MID1: variants seen among roughly 807,000 people sequenced by gnomAD.
MID1 encodes E3 ubiquitin-protein ligase Midline-1.
Under a neutral mutation model 40.4 loss-of-function variants are expected in MID1, and 7 were observed. That is an observed-to-expected ratio of 0.17 (90% CI 0.10 to 0.33). The LOEUF is 0.33. Among genes scored for constraint, MID1 ranks in the 10% least tolerant of loss-of-function variants. The pLI, the probability that MID1 is intolerant of heterozygous loss-of-function variation, is 1.00. For synonymous variants in MID1, 229 were observed against 221.2 expected, an observed-to-expected ratio of 1.04 and a Z score of -0.31; for missense variants, 367 against 558.5, an observed-to-expected ratio of 0.66 and a Z score of 3.46.
chrX:10,652,418 G>C (rs765347459), intron 1 of MID1, among the ~76,000 whole-genome samples: 1 of 111,380 alleles, frequency 9.0e-6, no homozygotes, highest in African/African-American at 3.3e-5. Context: ...ACTTCACCTT[G>C]AAAACACACC....
At chrX:10,819,247 G>T in intron 1 of MID1, among the ~76,000 whole-genome samples, 1 of 110,615 alleles carries the variant, frequency 9.0e-6, no homozygotes, top group Non-Finnish European at 1.9e-5. Context: ...GAGAGAGAGA[G>T]AAATAATACT....
intron 1 of MID1, among the ~76,000 whole-genome samples, chrX:10,773,104 A>T (rs114408714): frequency 0.037 from 4,140 of 112,047 alleles, 163 homozygotes; most frequent in African/African-American, 0.12. Context: ...AGTAATTCTG[A>T]TATGATTATT....
At chrX:10,561,907 A>G (rs1379632412) in intron 2 of MID1, among the ~76,000 whole-genome samples, 1 of 107,602 alleles carries the variant, frequency 9.3e-6, no homozygotes, top group Non-Finnish European at 1.9e-5. Context: ...TCTGCTATAA[A>G]GACACATGCA....
intron 1 of MID1, among the ~76,000 whole-genome samples, chrX:10,642,155 A>C (rs1174028412): frequency 8.9e-6 from 1 of 111,948 alleles, no homozygotes; most frequent in Non-Finnish European, 1.9e-5. Flanking sequence ...CAGTGTTGGA[A>C]GTTCTGGCCA....
intron 1 of MID1, among the ~76,000 whole-genome samples, chrX:10,825,997 G>A (rs144565503): frequency 0.032 from 3,605 of 111,269 alleles, 157 homozygotes; most frequent in African/African-American, 0.11. Context: ...AGATGGGGAA[G>A]ATGAGATTCA....
At chrX:10,723,213 A>C (rs769483622) in intron 1 of MID1, among the ~76,000 whole-genome samples, 1 of 111,878 alleles carries the variant, frequency 8.9e-6, no homozygotes, top group African/African-American at 3.2e-5. Flanking sequence ...CCTTCATCAA[A>C]CCTGGAGACA....
chrX:10,721,882 A>C (rs1458423713), intron 1 of MID1, among the ~76,000 whole-genome samples: 1 of 110,965 alleles, frequency 9.0e-6, no homozygotes, highest in Non-Finnish European at 1.9e-5. Context: ...CAGGCTGGGC[A>C]ACATAGCAAG....
chrX:10,633,760 A>G (rs1380931751), intron 1 of MID1, among the ~76,000 whole-genome samples: 1 of 112,065 alleles, frequency 8.9e-6, no homozygotes, highest in African/African-American at 3.2e-5. Flanking sequence ...AGCCTTGTAC[A>G]TGTAAATATT....
chrX:10,792,835 A>G (rs1341053266), intron 1 of MID1, among the ~76,000 whole-genome samples: 1 of 111,906 alleles, frequency 8.9e-6, no homozygotes, highest in African/African-American at 3.3e-5. Context: ...AACTCTGTGA[A>G]TATACTAGAC....
chrX:10,450,833 C>T (rs891377124), intron 9 of MID1, among the ~76,000 whole-genome samples: 22 of 111,995 alleles, frequency 2.0e-4, no homozygotes, highest in African/African-American at 6.8e-4. Flanking sequence ...TAATATTCAT[C>T]GTATTTCAGT....
In MID1 at chrX:10,495,612, A is replaced by G; in HGVS notation, c.836T>C (p.Ile279Thr). ...LIEIIQQRRQ[I>T]IGTKIKEGKV... ...CCCTTCTTTGATCTTGGTTCCAATA[A>G]TCTGTCGTCTTTGCTGAATGATCTC... is the stretch of plus-strand genomic sequence containing the variant. Residue 279 changes from isoleucine (I) to threonine (T), a missense_variant, in exon 4 of 10, where the codon ATT (isoleucine) becomes ACT (threonine). Transcript: ENST00000317552. 11 of 1,208,805 alleles carry G rather than the reference A, an allele frequency of 9.1e-6. No individual in the cohort carries two copies. The highest frequency in any genetic ancestry group is 1.2e-5 in the Non-Finnish European group (11 of 893,305).
chrX:10,548,888 T>C lies in MID1; in HGVS notation c.660+18000A>G, dbSNP rs150948179. 2.3e-3 allele frequency among the ~76,000 whole-genome samples: 253 copies of C among 112,326 alleles called. 1 individual carries two copies. The highest frequency in any genetic ancestry group is 7.5e-3 in the African/African-American group (233 of 31,006). On this transcript the variant is annotated intron_variant, in intron 2 of 9. Coordinates refer to ENST00000317552, the MANE Select transcript of MID1 (RefSeq NM_000381.4). ...AGATGTATTCAAAAGAAATCTGAGA[T>C]AAAGTATCTCCCCATGAGTCATCAG...
intron 1 of MID1, among the ~76,000 whole-genome samples, chrX:10,726,915 C>G (rs970400407): frequency 8.9e-6 from 1 of 112,361 alleles, no homozygotes; most frequent in African/African-American, 3.2e-5. Context: ...TCTTTTCTGC[C>G]TGTGGCGTAT....
chrX:10,596,628 C>T (rs1935417123), intron 1 of MID1, among the ~76,000 whole-genome samples: 1 of 111,738 alleles, frequency 8.9e-6, no homozygotes, highest in Non-Finnish European at 1.9e-5. Flanking sequence ...AAGCAGCCTA[C>T]ACCCCAACTG....
At chrX:10,748,427 C>G (rs1291946880) in intron 1 of MID1, among the ~76,000 whole-genome samples, 1 of 112,269 alleles carries the variant, frequency 8.9e-6, no homozygotes, top group East Asian at 2.8e-4. Flanking sequence ...ACAATTCCAA[C>G]CAACTCAGGA....
chrX:10,565,797 T>C (rs1934505350), intron 2 of MID1, among the ~76,000 whole-genome samples: 1 of 107,261 alleles, frequency 9.3e-6, no homozygotes, highest in Non-Finnish European at 1.9e-5. Flanking sequence ...CTATCCATAC[T>C]TAGAGAGTGA....
intron 1 of MID1, among the ~76,000 whole-genome samples, chrX:10,728,241 G>A (rs779773307): frequency 9.0e-6 from 1 of 111,064 alleles, no homozygotes; most frequent in Non-Finnish European, 1.9e-5. Flanking sequence ...CAAGAGTTTA[G>A]GCAGAAAGAT....
chrX:10,740,176 G>A (rs891335384), intron 1 of MID1, among the ~76,000 whole-genome samples: 5 of 112,406 alleles, frequency 4.4e-5, no homozygotes, highest in African/African-American at 1.6e-4. Context: ...TACAGCATCT[G>A]GGGAAAGATA....
chrX:10,768,013 T>C (rs1371277672), intron 1 of MID1, among the ~76,000 whole-genome samples: 1 of 111,926 alleles, frequency 8.9e-6, no homozygotes, highest in East Asian at 2.8e-4. Flanking sequence ...CTGAATATAT[T>C]GACTTTATAA....
Sources: gnomAD v4.1 joint callset for allele counts (sites outside exome capture counted in the v4.1 genomes callset) on GRCh38, gnomAD v4.1.1 for gene constraint, MANE v1.5 for transcripts, NCBI Gene and HGNC (gene_info 2026-07-23, HGNC 2026-07-21) for gene names.